The following GPC5 variants were observed in gnomAD, a reference collection of about 807,000 sequenced individuals.
GPC5 encodes glypican-5.
A neutral mutation model predicts 53.9 loss-of-function variants in GPC5; 47 were observed. The observed-to-expected ratio is 0.87, with a 90% CI of 0.69 to 1.11. The LOEUF (loss-of-function observed/expected upper bound fraction) is 1.11. Among genes scored for constraint, GPC5 ranks in the 50% most tolerant of loss-of-function variants. The probability of loss-of-function intolerance (pLI) is 0.00; values close to 1 mark genes in which losing one functional copy is unlikely to be tolerated. For missense variants in GPC5, 748 were observed against 713.1 expected, an observed-to-expected ratio of 1.05 and a Z score of -0.56; for synonymous variants, 286 against 263.3, an observed-to-expected ratio of 1.09 and a Z score of -0.84.
intron 7 of GPC5, among the ~76,000 whole-genome samples, chr13:92,676,267 T>C (rs1306357374): frequency 6.6e-6 from 1 of 152,180 alleles, no homozygotes; most frequent in Non-Finnish European, 1.5e-5. Flanking sequence ...TTTCTATTAA[T>C]ATTATATGAA....
chr13:92,622,338 A>G (rs186891028), intron 7 of GPC5, among the ~76,000 whole-genome samples: 2 of 152,254 alleles, frequency 1.3e-5, no homozygotes, highest in Non-Finnish European at 2.9e-5. Context: ...AGGGATGGTT[A>G]TAGTTGCTCT....
At chr13:91,829,764 G>T (rs1247690467) in intron 5 of GPC5, among the ~76,000 whole-genome samples, 3 of 152,010 alleles carry the variant, frequency 2.0e-5, no homozygotes, top group Non-Finnish European at 4.4e-5. Flanking sequence ...TCACATGTCG[G>T]TAGGTTCCGT....
chr13:92,172,086 T>C (rs964302693), intron 7 of GPC5, among the ~76,000 whole-genome samples: 2 of 152,204 alleles, frequency 1.3e-5, no homozygotes, highest in African/African-American at 4.8e-5. Context: ...TATTGCCAGC[T>C]CTAAGAAGCA....
At chr13:92,095,974 T>C (rs2041419156) in intron 6 of GPC5, among the ~76,000 whole-genome samples, 1 of 152,224 alleles carries the variant, frequency 6.6e-6, no homozygotes, top group Non-Finnish European at 1.5e-5. Flanking sequence ...AGAGATAAAG[T>C]GACTTTCCCA....
At chr13:92,277,640 T>C (rs1182850529) in intron 7 of GPC5, among the ~76,000 whole-genome samples, 2 of 152,040 alleles carry the variant, frequency 1.3e-5, no homozygotes, top group African/African-American at 4.8e-5. Context: ...TTTACTTTGT[T>C]TTTTATCGTT....
chr13:91,472,061 C>T (rs1388608440), intron 2 of GPC5, among the ~76,000 whole-genome samples: 2 of 152,102 alleles, frequency 1.3e-5, no homozygotes, highest in Non-Finnish European at 2.9e-5. Flanking sequence ...AGTTCCTGCT[C>T]ATTTCACTCA....
chr13:92,129,600 T>C (rs2041727313), intron 6 of GPC5, among the ~76,000 whole-genome samples: 1 of 152,126 alleles, frequency 6.6e-6, no homozygotes, highest in African/African-American at 2.4e-5. Context: ...ATAATAAAAG[T>C]AGACAAACTG....
chr13:91,644,889 G>C (rs1373215930), intron 2 of GPC5, among the ~76,000 whole-genome samples: 1 of 152,152 alleles, frequency 6.6e-6, no homozygotes, highest in Non-Finnish European at 1.5e-5. Context: ...CTGTTTATTA[G>C]GGAATAATAA....
Position 92,000,688 on chromosome 13 carries a change from G to A in GPC5, c.1401+92631G>A, listed in dbSNP as rs77716245. ...GAATCCTCTGGGGAACACACTGATT[G>A]TAACTAAAGGCAGTCATTTAGCACA... On this transcript the variant is annotated intron_variant, in intron 6 of 7. Transcript: ENST00000377067. Among the ~76,000 whole-genome samples, 432 of 152,280 alleles carry A rather than the reference G, an allele frequency of 2.8e-3. 9 individuals are homozygous for A. Among genetic ancestry groups the A allele is most frequent in the East Asian group, 0.024 (125 of 5,180 alleles).
intron 7 of GPC5, among the ~76,000 whole-genome samples, chr13:92,223,702 A>C (rs2042465116): frequency 6.6e-6 from 1 of 152,170 alleles, no homozygotes; most frequent in Non-Finnish European, 1.5e-5. Flanking sequence ...TAAAAGGATA[A>C]GTTTGTAAGA....
At chr13:91,730,769 T>C (rs533745584) in intron 4 of GPC5, among the ~76,000 whole-genome samples, 1 of 152,314 alleles carries the variant, frequency 6.6e-6, no homozygotes, top group South Asian at 2.1e-4. Flanking sequence ...CCAAAGTGAA[T>C]AATATGATTT....
intron 7 of GPC5, among the ~76,000 whole-genome samples, chr13:92,274,615 A>G (rs4439626): frequency 0.086 from 13,019 of 152,178 alleles, 617 homozygotes; most frequent in Middle Eastern, 0.12. Context: ...GAAGGTTGCA[A>G]TCAAGGTGTC....
intron 5 of GPC5, among the ~76,000 whole-genome samples, chr13:91,895,649 T>C (rs945237337): frequency 2.6e-5 from 4 of 151,970 alleles, no homozygotes; most frequent in African/African-American, 7.2e-5. Context: ...TTTTTTTTTT[T>C]TTCTTTAACA....
intron 7 of GPC5, among the ~76,000 whole-genome samples, chr13:92,756,009 C>A (rs946267872): frequency 4.8e-4 from 73 of 152,108 alleles, no homozygotes; most frequent in African/African-American, 1.6e-3. Context: ...ATACCAAAGC[C>A]TGGCAGAGAC....
chr13:91,509,993 G>T (rs1409665822), intron 2 of GPC5, among the ~76,000 whole-genome samples: 1 of 152,004 alleles, frequency 6.6e-6, no homozygotes, highest in Non-Finnish European at 1.5e-5. Flanking sequence ...AATTTCTAAT[G>T]ATATTTGAAG....
intron 2 of GPC5, among the ~76,000 whole-genome samples, chr13:91,455,309 A>T (rs972477889): frequency 6.6e-6 from 1 of 152,084 alleles, no homozygotes; most frequent in Non-Finnish European, 1.5e-5. Flanking sequence ...AAACCAATTG[A>T]AACTCACTCT....
rs1162514586 is a variant in GPC5, at chr13:92,557,986, A to G, written c.1562-308296A>G. On this transcript the variant is annotated intron_variant, in intron 7 of 7. Coordinates refer to ENST00000377067, the MANE Select transcript of GPC5 (RefSeq NM_004466.6). ...AAATTACATTCTATATCCAGATAAA[A>G]AGGAAATGATAAATATAAAGACTTT... is the stretch of plus-strand genomic sequence containing the variant. Among the ~76,000 whole-genome samples the G allele has an allele frequency of 2.6e-5, 4 of 152,010 alleles. No individual in the cohort carries two copies. The South Asian group carries it at 8.3e-4, about 31-fold the overall frequency.
At chr13:91,527,189 C>A (rs1886125427) in intron 2 of GPC5, among the ~76,000 whole-genome samples, 1 of 152,140 alleles carries the variant, frequency 6.6e-6, no homozygotes, top group Non-Finnish European at 1.5e-5. Context: ...TCATCTTAGA[C>A]AAAACAACTC....
chr13:91,401,991 A>T (rs1876989210), intron 1 of GPC5, among the ~76,000 whole-genome samples: 1 of 152,192 alleles, frequency 6.6e-6, no homozygotes, highest in Non-Finnish European at 1.5e-5. Context: ...TTCAGAAAAG[A>T]ACTGTTACTG....
Sources: gnomAD v4.1 joint callset for allele counts (sites outside exome capture counted in the v4.1 genomes callset) on GRCh38, gnomAD v4.1.1 for gene constraint, MANE v1.5 for transcripts, NCBI Gene and HGNC (gene_info 2026-07-23, HGNC 2026-07-21) for gene names.